CTNNA3: variants seen among roughly 807,000 people sequenced by gnomAD.
CTNNA3 encodes catenin alpha-3.
Under a neutral mutation model 95.7 loss-of-function variants are expected in CTNNA3, and 76 were observed. The ratio of observed to expected loss-of-function variants is 0.79; its 90% confidence interval spans 0.66 to 0.96. CTNNA3 has a LOEUF of 0.96. Ranked by LOEUF, CTNNA3 falls within the 40% of genes least tolerant of loss-of-function variation. The probability of loss-of-function intolerance (pLI) is 0.00; values close to 1 mark genes in which losing one functional copy is unlikely to be tolerated. For synonymous variants in CTNNA3, 431 were observed against 374.4 expected (o/e 1.15, Z -1.74); for missense variants, 1,191 against 1,089.8 (o/e 1.09, Z -1.31).
chr10:67,093,734 C>T (rs2131919163), intron 7 of CTNNA3, among the ~76,000 whole-genome samples: 1 of 152,062 alleles, frequency 6.6e-6, no homozygotes. Context: ...GGTATTTACC[C>T]TGGTGTGAAA....
intron 13 of CTNNA3, among the ~76,000 whole-genome samples, chr10:66,182,497 C>T (rs978431704): frequency 2.0e-5 from 3 of 151,954 alleles, no homozygotes; most frequent in Non-Finnish European, 4.4e-5. Context: ...TCTCGTGATC[C>T]GCCCGCCTCG....
intron 10 of CTNNA3, among the ~76,000 whole-genome samples, chr10:66,564,769 G>A (rs1010748517): frequency 6.6e-6 from 1 of 152,154 alleles, no homozygotes; most frequent in Admixed American, 6.5e-5. Context: ...ATAATACTGA[G>A]CTTGAATTAT....
At chr10:67,739,939 G>C (rs1589586143) in intron 1 of CTNNA3, among the ~76,000 whole-genome samples, 1 of 152,064 alleles carries the variant, frequency 6.6e-6, no homozygotes, top group African/African-American at 2.4e-5. Flanking sequence ...AAAACAGCAT[G>C]GTACTGGTAC....
At chr10:66,068,289 T>C (rs2080357177) in intron 15 of CTNNA3, among the ~76,000 whole-genome samples, 1 of 152,162 alleles carries the variant, frequency 6.6e-6, no homozygotes, top group Admixed American at 6.6e-5. Context: ...AAGTATTCTT[T>C]ATATATAAAT....
intron 11 of CTNNA3, among the ~76,000 whole-genome samples, chr10:66,467,689 T>G (rs1007928122): frequency 7.2e-5 from 11 of 152,214 alleles, no homozygotes; most frequent in African/African-American, 2.6e-4. Flanking sequence ...GCTATTAAGA[T>G]GAAGCCAACC....
chr10:66,626,947 C>A (rs1844956981), intron 9 of CTNNA3, among the ~76,000 whole-genome samples: 1 of 151,856 alleles, frequency 6.6e-6, no homozygotes, highest in African/African-American at 2.4e-5. Context: ...ACAACAACAA[C>A]AACAACAACA....
chr10:67,097,671 T>G, intron 7 of CTNNA3: 1 of 1,612,686 alleles, frequency 6.2e-7, no homozygotes, highest in Non-Finnish European at 8.5e-7. Context: ...TGAACTTCTC[T>G]CCCATAAGTC....
At chr10:66,690,123 G>C (rs964394272) in intron 9 of CTNNA3, among the ~76,000 whole-genome samples, 1 of 152,032 alleles carries the variant, frequency 6.6e-6, no homozygotes, top group East Asian at 1.9e-4. Flanking sequence ...CAAAAATAAA[G>C]AATAAGAGGT....
At chr10:66,401,275 C>T (rs1417373010) in intron 11 of CTNNA3, among the ~76,000 whole-genome samples, 1 of 151,822 alleles carries the variant, frequency 6.6e-6, no homozygotes, top group African/African-American at 2.4e-5. Context: ...TCCTATAATC[C>T]CAGCACGCTG....
At chr10:66,216,590 A>G (rs1033741351) in intron 13 of CTNNA3, among the ~76,000 whole-genome samples, 1 of 152,224 alleles carries the variant, frequency 6.6e-6, no homozygotes, top group Non-Finnish European at 1.5e-5. Flanking sequence ...TTTTTAAAAA[A>G]CTAACATAAA....
intron 7 of CTNNA3, among the ~76,000 whole-genome samples, chr10:67,107,923 C>A (rs1419965923): frequency 6.6e-6 from 1 of 152,206 alleles, no homozygotes; most frequent in African/African-American, 2.4e-5. Context: ...GGACTCTGGC[C>A]TTGCGGAGAG....
chr10:67,639,490 T>G (rs139600777), intron 2 of CTNNA3, among the ~76,000 whole-genome samples: 5,940 of 152,272 alleles, frequency 0.039, 117 homozygotes, highest in Middle Eastern at 0.078. Context: ...GAGGGAATCC[T>G]CCCTAACTCA....
intron 15 of CTNNA3, among the ~76,000 whole-genome samples, chr10:66,018,290 G>T (rs141271668): frequency 5.9e-5 from 9 of 151,648 alleles, no homozygotes; most frequent in East Asian, 1.9e-4. Context: ...TGAATCAGGA[G>T]AACTGTTTGT....
At chr10:65,982,397 G>T (rs1468057056) in intron 16 of CTNNA3, among the ~76,000 whole-genome samples, 2 of 151,484 alleles carry the variant, frequency 1.3e-5, no homozygotes, top group African/African-American at 4.8e-5. Context: ...CCTTTACACT[G>T]TTATTGGGAA....
chr10:66,166,397 A>C (rs1243845489), intron 13 of CTNNA3, among the ~76,000 whole-genome samples: 3 of 151,796 alleles, frequency 2.0e-5, no homozygotes, highest in Non-Finnish European at 4.4e-5. Context: ...GGGAGGCTGA[A>C]GCATGAGAAT....
At chr10:66,001,804 A>G (rs537428240) in intron 15 of CTNNA3, among the ~76,000 whole-genome samples, 73 of 152,260 alleles carry the variant, frequency 4.8e-4, no homozygotes, top group African/African-American at 1.7e-3. Context: ...CAAAATTACA[A>G]TACTTGCCAG....
chr10:67,230,964 G>A (rs998386567), intron 5 of CTNNA3, among the ~76,000 whole-genome samples: 6 of 152,268 alleles, frequency 3.9e-5, no homozygotes, highest in South Asian at 2.1e-4. Flanking sequence ...GCGCTTTTCC[G>A]ACGGGCTTAA....
chr10:66,131,848 T>C (rs148631463), intron 13 of CTNNA3, among the ~76,000 whole-genome samples: 2 of 152,308 alleles, frequency 1.3e-5, no homozygotes, highest in South Asian at 2.1e-4. Flanking sequence ...AGGCTAGGCA[T>C]GTGCAGAAGA....
chr10:67,690,656 T>C (rs1011074399), intron 1 of CTNNA3, among the ~76,000 whole-genome samples: 5 of 152,254 alleles, frequency 3.3e-5, no homozygotes, highest in Non-Finnish European at 5.9e-5. Flanking sequence ...GCATTTACAA[T>C]CCCTTAGCTA....
Sources: allele counts gnomAD v4.1 joint callset (sites outside exome capture counted in the v4.1 genomes callset), GRCh38; gene constraint gnomAD v4.1.1; transcripts MANE v1.5; gene names NCBI Gene and HGNC (gene_info 2026-07-23, HGNC 2026-07-21).